The following ARHGEF26 variants were observed in gnomAD, a reference collection of about 807,000 sequenced individuals.
The protein encoded by ARHGEF26 is Rho guanine nucleotide exchange factor 26.
Under a neutral mutation model 89.4 loss-of-function variants are expected in ARHGEF26, and 59 were observed. That is an observed-to-expected ratio of 0.66 (90% CI 0.54 to 0.82). ARHGEF26 has a LOEUF of 0.82. ARHGEF26 is among the 40% of genes least tolerant of loss of function. The pLI, the probability that ARHGEF26 is intolerant of heterozygous loss-of-function variation, is 0.00. For missense variants in ARHGEF26, 1,234 were observed against 1,085.6 expected (o/e 1.14, Z -1.92); for synonymous variants, 500 against 428.4 (o/e 1.17, Z -2.06).
chr3:154,196,407 A>G (rs1163804080), intron 9 of ARHGEF26, among the ~76,000 whole-genome samples: 1 of 152,184 alleles, frequency 6.6e-6, no homozygotes, highest in Non-Finnish European at 1.5e-5. Context: ...TAGCATCAGA[A>G]GCTTCCTAAA....
chr3:154,155,239 A>G (rs1277939123), intron 6 of ARHGEF26, among the ~76,000 whole-genome samples: 1 of 152,074 alleles, frequency 6.6e-6, no homozygotes, highest in African/African-American at 2.4e-5. Flanking sequence ...ATATTACTAA[A>G]CTAATAATAT....
chr3:154,164,744 A>C (rs1333073055), intron 6 of ARHGEF26, among the ~76,000 whole-genome samples: 1 of 152,192 alleles, frequency 6.6e-6, no homozygotes, highest in Non-Finnish European at 1.5e-5. Context: ...TGTAGCTTCT[A>C]CTTCTTATTC....
At chr3:154,205,684 G>A (rs1265464190) in intron 9 of ARHGEF26, among the ~76,000 whole-genome samples, 1 of 151,974 alleles carries the variant, frequency 6.6e-6, no homozygotes, top group East Asian at 1.9e-4. Context: ...CATGAGGCTT[G>A]CAAATATTAT....
At chr3:154,228,969 T>C (rs1036271260) in intron 11 of ARHGEF26, among the ~76,000 whole-genome samples, 1 of 152,154 alleles carries the variant, frequency 6.6e-6, no homozygotes, top group African/African-American at 2.4e-5. Context: ...GTTTTTCAGC[T>C]ACTGAGAAAA....
chr3:154,137,385 C>A (rs1719073451), intron 4 of ARHGEF26, among the ~76,000 whole-genome samples: 1 of 152,128 alleles, frequency 6.6e-6, no homozygotes, highest in Admixed American at 6.6e-5. Flanking sequence ...CCAAATGTAG[C>A]CCCTCAGCCT....
intron 4 of ARHGEF26, among the ~76,000 whole-genome samples, chr3:154,132,615 G>A (rs1366724121): frequency 6.6e-6 from 1 of 152,040 alleles, no homozygotes; most frequent in African/African-American, 2.4e-5. Context: ...AAAAGTGATC[G>A]GCACCTCTAT....
chr3:154,239,283 AGAGAGAGAGAGAGAGAGTGT>A (rs1559920479), intron 11 of ARHGEF26, among the ~76,000 whole-genome samples: 23 of 104,156 alleles, frequency 2.2e-4, no homozygotes, highest in African/African-American at 8.5e-4. Context: ...AGAGAGAGAG[AGAGAGAGAGAGAGAGAGTGT>A]GTGTGTGTGT....
chr3:154,185,744 G>A (rs1289165755), intron 6 of ARHGEF26, among the ~76,000 whole-genome samples: 2 of 152,122 alleles, frequency 1.3e-5, no homozygotes, highest in Admixed American at 1.3e-4. Context: ...GAGATAGGCA[G>A]GCATGGCTGA....
chr3:154,144,986 C>A (rs1190283727), intron 4 of ARHGEF26, among the ~76,000 whole-genome samples: 2 of 152,164 alleles, frequency 1.3e-5, no homozygotes, highest in Non-Finnish European at 2.9e-5. Context: ...ACCCACCACT[C>A]CCCAGAAGGA....
At chr3:154,167,879 T>C (rs1712143129) in intron 6 of ARHGEF26, among the ~76,000 whole-genome samples, 1 of 152,180 alleles carries the variant, frequency 6.6e-6, no homozygotes, top group African/African-American at 2.4e-5. Context: ...AGGTAACAGT[T>C]TTATGAAAAT....
chr3:154,164,894 C>A (rs1711913441), intron 6 of ARHGEF26, among the ~76,000 whole-genome samples: 1 of 152,104 alleles, frequency 6.6e-6, no homozygotes, highest in South Asian at 2.1e-4. Flanking sequence ...AGCGTTCTTA[C>A]AAGTTGAGAT....
chr3:154,242,949 T>C (rs1717564592), intron 12 of ARHGEF26, among the ~76,000 whole-genome samples: 1 of 152,124 alleles, frequency 6.6e-6, no homozygotes, highest in African/African-American at 2.4e-5. Context: ...TGCCCCTCTG[T>C]GTTTGCGGCT....
chr3:154,247,815 C>A (rs1717892302), intron 12 of ARHGEF26, among the ~76,000 whole-genome samples: 1 of 152,152 alleles, frequency 6.6e-6, no homozygotes, highest in Non-Finnish European at 1.5e-5. Context: ...TGTGTTATAT[C>A]TGTTTGTCCA....
chr3:154,232,281 T>TAA (rs1199012320), intron 11 of ARHGEF26, among the ~76,000 whole-genome samples: 1 of 152,190 alleles, frequency 6.6e-6, no homozygotes, highest in Non-Finnish European at 1.5e-5. Flanking sequence ...GGCCCTTTTC[T>TAA]GGGTCACTGG....
chr3:154,227,059 T>G (rs1716536147), intron 11 of ARHGEF26, among the ~76,000 whole-genome samples: 1 of 152,218 alleles, frequency 6.6e-6, no homozygotes, highest in Admixed American at 6.5e-5. Flanking sequence ...TGAGTTCTTC[T>G]TTTTGCTCCT....
At chr3:154,143,966 G>A (rs1435769974) in intron 4 of ARHGEF26, among the ~76,000 whole-genome samples, 1 of 152,174 alleles carries the variant, frequency 6.6e-6, no homozygotes, top group Non-Finnish European at 1.5e-5. Flanking sequence ...AGCCCACAGC[G>A]GGAAATGCAG....
chr3:154,204,657 A>C (rs1419843761), intron 9 of ARHGEF26, among the ~76,000 whole-genome samples: 2 of 152,052 alleles, frequency 1.3e-5, no homozygotes, highest in African/African-American at 4.8e-5. Context: ...TTATTCACTT[A>C]CAGCTATAAA....
chr3:154,149,494 G>C (rs547269743), intron 5 of ARHGEF26, 49 bp downstream of exon 5: 1 of 1,501,614 alleles, frequency 6.7e-7, no homozygotes. Context: ...TGTGCATGTC[G>C]GTGTCTGCTT....
chr3:154,208,014 G>T (rs1715137119), intron 9 of ARHGEF26, among the ~76,000 whole-genome samples: 1 of 152,134 alleles, frequency 6.6e-6, no homozygotes, highest in African/African-American at 2.4e-5. Flanking sequence ...CATACCACAT[G>T]TTCTCACTTA....
Sources: allele counts gnomAD v4.1 joint callset (sites outside exome capture counted in the v4.1 genomes callset), GRCh38; gene constraint gnomAD v4.1.1; transcripts MANE v1.5; gene names NCBI Gene and HGNC (gene_info 2026-07-23, HGNC 2026-07-21).